Variants in ZNF112 observed in about 807,000 individuals in gnomAD.
ZNF112 encodes the protein zinc finger protein 112.
Under a neutral mutation model 77.7 loss-of-function variants are expected in ZNF112, and 37 were observed. The observed-to-expected ratio is 0.48, with a 90% confidence interval of 0.37 to 0.63. ZNF112 has a LOEUF of 0.63. Among genes scored for constraint, ZNF112 ranks in the 20% least tolerant of loss-of-function variants. The probability of loss-of-function intolerance (pLI) is 0.00; values close to 1 mark genes in which losing one functional copy is unlikely to be tolerated. For synonymous variants in ZNF112, 333 were observed against 363.6 expected, an observed-to-expected ratio of 0.92 and a Z score of 0.96; for missense variants, 950 against 1,077.4, an observed-to-expected ratio of 0.88 and a Z score of 1.66.
Position 44,327,827 on chromosome 19 carries a change from G to T in ZNF112, c.2330C>A (p.Thr777Lys). Residue 777 changes from threonine to lysine, a missense_variant, in exon 4 of 4, where the codon ACA becomes AAA. Thr to Lys is a moderately conservative substitution (Grantham distance 78). Transcript: ENST00000354340. ...GCGTGAACTCTCACTGAAACCCTTT[G>T]TACACACCTCACATTTGTATGGTTT... ...GGKPYKCEVC[T>K]KGFSESSRLQ... The T allele has an allele frequency of 6.2e-7, 1 of 1,613,526 alleles. No individual in the cohort carries two copies. Among genetic ancestry groups the T allele is most frequent in the Non-Finnish European group, 8.5e-7 (1 of 1,179,790 alleles).
Position 44,340,415 on chromosome 19 carries a change from CCTA to C in ZNF112, c.122_124del (p.Val41del). The C allele has an allele frequency of 1.2e-6, 2 of 1,613,892 alleles. No individual in the cohort carries two copies. Among genetic ancestry groups the C allele is most frequent in the Non-Finnish European group, 1.7e-6 (2 of 1,179,888 alleles). ...GAGTAACTAAGGGCACCTATCCTCA[CCTA>C]CTAAGAGCAGGTTCCTGAAGTTCTC... On this transcript the variant is annotated inframe_deletion and splice_region_variant, in exon 2 of 4. Coordinates refer to ENST00000354340, the MANE Select transcript of ZNF112 (RefSeq NM_013380.4).
At chr19:44,362,512 T>C (rs893017959) in intron 1 of ZNF112, among the ~76,000 whole-genome samples, 5 of 151,942 alleles carry the variant, frequency 3.3e-5, no homozygotes, top group African/African-American at 1.2e-4. Flanking sequence ...GAATGTTTTG[T>C]TCATGTGCAC....
intron 1 of ZNF112, among the ~76,000 whole-genome samples, chr19:44,348,576 T>G (rs1970637143): frequency 6.6e-6 from 1 of 152,096 alleles, no homozygotes; most frequent in Admixed American, 6.6e-5. Context: ...TATAACAGAT[T>G]TAAAGTAGAA....
At chr19:44,330,529 A>G (rs1970250797) in intron 3 of ZNF112, among the ~76,000 whole-genome samples, 1 of 152,174 alleles carries the variant, frequency 6.6e-6, no homozygotes, top group African/African-American at 2.4e-5. Context: ...TGAAGTCAGG[A>G]GTTTGAGACC....
rs185224461 is a variant in ZNF112 at position 44,329,992 on chromosome 19, T to A, written c.221-56A>T. The A allele has an allele frequency of 8.6e-6, 12 of 1,393,008 alleles. No homozygotes were observed. In the South Asian group the frequency reaches 9.8e-5, roughly 11 times the overall value. 86.3% of individuals were successfully genotyped at this position (1,393,008 alleles called of 1,614,324 possible). Reference sequence around the variant, plus strand: ...CGAGTGAATGCTTTATTCAAGAGATTTGAAGATTTTACACTTAGGTCATAA... The same window carrying A: ...CGAGTGAATGCTTTATTCAAGAGATATGAAGATTTTACACTTAGGTCATAA... On this transcript the variant is annotated intron_variant, in intron 3 of 3. Transcript: ENST00000354340.
At chr19:44,340,927 T>C (rs993545060) in intron 1 of ZNF112, among the ~76,000 whole-genome samples, 2 of 152,182 alleles carry the variant, frequency 1.3e-5, no homozygotes, top group African/African-American at 4.8e-5. Context: ...ATTTACAGGG[T>C]ATCAGTCATC....
chr19:44,340,356 T>C, intron 2 of ZNF112, 60 bp downstream of exon 2: 3 of 1,572,736 alleles, frequency 1.9e-6, no homozygotes, highest in Non-Finnish European at 2.6e-6. Flanking sequence ...TTCTAACAAT[T>C]GAGCACACAA....
At chr19:44,351,876 T>C (rs2123207214) in intron 1 of ZNF112, among the ~76,000 whole-genome samples, 1 of 152,128 alleles carries the variant, frequency 6.6e-6, no homozygotes, top group South Asian at 2.1e-4. Context: ...TATAAATGAA[T>C]TAACATTAAT....
At chr19:44,352,912 G>A (rs1470718921) in intron 1 of ZNF112, among the ~76,000 whole-genome samples, 1 of 151,886 alleles carries the variant, frequency 6.6e-6, no homozygotes, top group Non-Finnish European at 1.5e-5. Context: ...TGATAAAGAC[G>A]GATCTACTGA....
Position 44,336,665 on chromosome 19 carries a change from G to C in ZNF112, c.178C>G (p.Leu60Val). The change falls in exon 3 of 4, where the codon CTT becomes GTT. Residue 60 changes from leucine to valine, a missense_variant. Physicochemically the swap from Leu to Val is conservative, Grantham distance 32. Around this residue, in one of 3 missense-constraint regions of ZNF112, gnomAD observed 560 missense variants for 557.3 expected, o/e 1.00. Coordinates refer to ENST00000354340, the MANE Select transcript of ZNF112 (RefSeq NM_013380.4). Reference sequence around the variant, plus strand: ...GGGGTTTCTGTCTCCACCATCAAAAGCTTTTCTTCTCTCTCCAGCTGGGAT... The same window carrying C: ...GGGGTTTCTGTCTCCACCATCAAAACCTTTTCTTCTCTCTCCAGCTGGGAT... ...LISQLEREEKLLMVETETPRD... is the reference protein window; with the variant it reads ...LISQLEREEKVLMVETETPRD... The C allele has an allele frequency of 6.2e-7, 1 of 1,613,996 alleles. No homozygotes were observed. The highest frequency in any genetic ancestry group is 8.5e-7 in the Non-Finnish European group (1 of 1,179,950).
intron 1 of ZNF112, among the ~76,000 whole-genome samples, chr19:44,346,313 T>TTGTTA (rs879389110): frequency 3.3e-5 from 5 of 152,172 alleles, no homozygotes; most frequent in African/African-American, 9.7e-5. Flanking sequence ...AAACGTTGGG[T>TTGTTA]TGTTATGTTA....
At chr19:44,331,032 T>G (rs761566144) in intron 3 of ZNF112, among the ~76,000 whole-genome samples, 3 of 152,218 alleles carry the variant, frequency 2.0e-5, no homozygotes, top group Non-Finnish European at 4.4e-5. Context: ...TTTATCCTCA[T>G]GAGAATAATA....
intron 1 of ZNF112, among the ~76,000 whole-genome samples, chr19:44,348,116 C>G (rs1316420674): frequency 6.6e-6 from 1 of 152,048 alleles, no homozygotes; most frequent in African/African-American, 2.4e-5. Context: ...TAGCTGTATT[C>G]AAGAATTTTT....
chr19:44,354,974 C>T (rs1970760196), intron 1 of ZNF112, among the ~76,000 whole-genome samples: 1 of 151,636 alleles, frequency 6.6e-6, no homozygotes, highest in South Asian at 2.1e-4. Flanking sequence ...TGGATATAAG[C>T]AATTTATGAT....
intron 3 of ZNF112, among the ~76,000 whole-genome samples, chr19:44,331,705 C>A (rs1970273223): frequency 1.3e-5 from 2 of 152,192 alleles, no homozygotes; most frequent in Admixed American, 1.3e-4. Flanking sequence ...ATTCCTTTCA[C>A]TGCCAAGTGA....
Position 44,336,604 on chromosome 19 carries a change from C to T in ZNF112, c.220+19G>A, listed in dbSNP as rs1211280988. The T allele has an allele frequency of 6.3e-7, 1 of 1,599,404 alleles. No homozygotes were observed. Among genetic ancestry groups the T allele is most frequent in the Non-Finnish European group, 8.6e-7 (1 of 1,166,776 alleles). ...GAAGGGGCTCCCTGGCTGCTGTGTT[C>T]CTGCAGCACAGTTCTCACCTGAACA... On this transcript the variant is annotated intron_variant, in intron 3 of 3. Coordinates refer to ENST00000354340, the MANE Select transcript of ZNF112 (RefSeq NM_013380.4).
chr19:44,359,366 C>T (rs1222490593), upstream of ZNF112, among the ~76,000 whole-genome samples: 3 of 132,502 alleles, frequency 2.3e-5, no homozygotes, highest in African/African-American at 3.1e-5. Context: ...CTCTGTTCCC[C>T]GGGCTGAAGT....
At chr19:44,365,637 A>G (rs1418588073) in intron 1 of ZNF112, among the ~76,000 whole-genome samples, 1 of 152,112 alleles carries the variant, frequency 6.6e-6, no homozygotes, top group Admixed American at 6.5e-5. Context: ...TTTATGGACA[A>G]AGAGTTGTTT....
exon 1 of ZNF112, chr19:44,367,153 C>A (rs148532314): frequency 6.6e-6 from 3 of 456,134 alleles, no homozygotes; most frequent in East Asian, 1.4e-4. Flanking sequence ...CGCCGCCAGG[C>A]TAAACGAAAC....
Sources: gnomAD v4.1 joint callset for allele counts (sites outside exome capture counted in the v4.1 genomes callset) on GRCh38, gnomAD v4.1.1 for gene constraint, gnomAD v4.1.1 regional missense constraint, MANE v1.5 for transcripts, NCBI Gene and HGNC (gene_info 2026-07-23, HGNC 2026-07-21) for gene names.